GET4: variants seen among roughly 807,000 people sequenced by gnomAD.
The protein encoded by GET4 is guided entry of tail-anchored proteins factor 4, also known as Golgi to ER traffic protein 4 homolog.
Under a neutral mutation model 40.0 loss-of-function variants are expected in GET4, and 20 were observed. The observed-to-expected ratio is 0.50, with a 90% CI of 0.35 to 0.73. GET4 has a LOEUF of 0.73. Ranked by LOEUF, GET4 falls within the 30% of genes least tolerant of loss-of-function variation. GET4 has a pLI of 0.01. For missense variants in GET4, 557 were observed against 454.0 expected, an observed-to-expected ratio of 1.23 and a Z score of -2.06; for synonymous variants, 280 against 194.6, an observed-to-expected ratio of 1.44 and a Z score of -3.65.
chr7:894,509 G>C (rs1198888859), intron 8 of GET4, among the ~76,000 whole-genome samples: 1 of 152,180 alleles, frequency 6.6e-6, no homozygotes, highest in Non-Finnish European at 1.5e-5. Flanking sequence ...TGTCTGCCCT[G>C]GTGCAGCTGC....
At chr7:886,518 G>T in intron 2 of GET4, 51 bp from the exon 3 acceptor site, 2 of 1,379,398 alleles carry the variant, frequency 1.4e-6, no homozygotes, top group South Asian at 2.3e-5. Flanking sequence ...TTGCTGTCCT[G>T]AACAGGTCAG....
intron 1 of GET4, chr7:880,171 G>C (rs1211373015): frequency 6.6e-6 from 1 of 152,274 alleles, no homozygotes; most frequent in Non-Finnish European, 1.5e-5. Flanking sequence ...GAGAAACCCT[G>C]TCTCTACTAA....
Position 895,483 on chromosome 7 carries a change from G to A in GET4, c.*61G>A, listed in dbSNP as rs572132664. On this transcript the variant is annotated 3_prime_UTR_variant, in exon 9 of 9. Coordinates refer to ENST00000265857, the MANE Select transcript of GET4 (RefSeq NM_015949.3). ...ACGGCTGGAGGGACGTTTCAGAGGC[G>A]AGTCCTGGGTGGCTCCTCGCCTTGG... 56 of 888,718 alleles carry A rather than the reference G, an allele frequency of 6.3e-5. No individual in the cohort carries two copies. The highest frequency in any genetic ancestry group is 1.5e-4 in the African/African-American group (9 of 60,530). 55.1% of individuals were successfully genotyped at this position (888,718 alleles called of 1,614,324 possible).
At chr7:881,726 A>G (rs1286153401) in intron 1 of GET4, 2 of 152,210 alleles carry the variant, frequency 1.3e-5, no homozygotes, top group East Asian at 1.9e-4. Flanking sequence ...GGCTTGGTAT[A>G]TAGGTAAACT....
chr7:887,612 G>T, intron 4 of GET4, 93 bp downstream of exon 4: 1 of 1,002,562 alleles, frequency 1.0e-6, no homozygotes. Context: ...ACCCACCAGG[G>T]CAGAGATGGG....
At chr7:886,265 G>A in intron 2 of GET4, 131 bp downstream of exon 2, 1 of 665,222 alleles carries the variant, frequency 1.5e-6, no homozygotes. Flanking sequence ...GCTGTGGGTG[G>A]CAGAGGGGCC....
At chr7:886,944 G>A (rs1844201468) in intron 3 of GET4, 1 of 529,418 alleles carries the variant, frequency 1.9e-6, no homozygotes, top group African/African-American at 1.9e-5. Flanking sequence ...AGCTGGCAAG[G>A]TGGGGCACCA....
At chr7:878,085 C>A (rs186039839) in intron 1 of GET4, 25 of 328,802 alleles carry the variant, frequency 7.6e-5, no homozygotes, top group Middle Eastern at 2.2e-3. Flanking sequence ...CTGTTGACGC[C>A]GCCCGGCCTG....
intron 5 of GET4, 76 bp downstream of exon 5, chr7:891,142 TC>T: frequency 8.3e-7 from 1 of 1,210,730 alleles, no homozygotes; most frequent in Non-Finnish European, 1.2e-6. Flanking sequence ...GGTCCCCTTG[TC>T]CCCTGTCCGA....
Position 890,443 on chromosome 7 carries a change from G to A in GET4, c.467-485G>A, listed in dbSNP as rs547728462. On this transcript the variant is annotated intron_variant, in intron 4 of 8. Transcript: ENST00000265857. ...GCCTGGGAGTGGAGGGAGTGTGAGC[G>A]GGTGTTAGGACGGGCTTGGGAGTGG... Among the ~76,000 whole-genome samples, 5 of 150,730 alleles carry A rather than the reference G, an allele frequency of 3.3e-5. No individual in the cohort carries two copies. In the South Asian group the frequency reaches 6.4e-4, roughly 19 times the overall value.
chr7:886,044 T>C lies in GET4; in HGVS notation c.156-12T>C. 1 of 1,564,510 alleles carries C rather than the reference T, an allele frequency of 6.4e-7. No individual in the cohort carries two copies. The highest frequency in any genetic ancestry group is 8.8e-7 in the Non-Finnish European group (1 of 1,136,248). ...CACGTGGGCGTGGCTCACGGTCTCC[T>C]CTCTGTGGCAGGTACATGTCCCAGA... On this transcript the variant is annotated splice_polypyrimidine_tract_variant and intron_variant, in intron 1 of 8. Coordinates refer to ENST00000265857, the MANE Select transcript of GET4 (RefSeq NM_015949.3).
chr7:895,316 C>A lies in GET4; in HGVS notation c.896-18C>A, dbSNP rs372279230. The A allele has an allele frequency of 2.9e-6, 4 of 1,371,322 alleles. No individual in the cohort carries two copies. The highest frequency in any genetic ancestry group is 3.5e-5 in the Admixed American group (2 of 56,630). The allele number at this position is 1,371,322 out of a possible 1,614,324, so 84.9% of individuals were successfully genotyped here. A position where few individuals can be genotyped will look rare whatever the true frequency, so the allele number is the denominator to read the frequency against. Reference sequence around the variant, plus strand: ...GGAGGCTGCCCAGGCGTGACTGCCACGGTGTTCTTCTTTCCAGGGAACCTT... The same window carrying A: ...GGAGGCTGCCCAGGCGTGACTGCCAAGGTGTTCTTCTTTCCAGGGAACCTT... On this transcript the variant is annotated intron_variant, in intron 8 of 8. Transcript: ENST00000265857.
Position 893,986 on chromosome 7 carries a change from C to A in GET4, c.895+15C>A, listed in dbSNP as rs1326499908. 2.6e-6 allele frequency: 4 copies of A among 1,552,510 alleles called. No individual in the cohort carries two copies. Among genetic ancestry groups the A allele is most frequent in the African/African-American group, 2.7e-5 (2 of 73,882 alleles). On this transcript the variant is annotated intron_variant, in intron 8 of 8. Coordinates refer to ENST00000265857, the MANE Select transcript of GET4 (RefSeq NM_015949.3). Reference sequence around the variant, plus strand: ...GGGCCTGCTCGGTAAGCCGGGGCGCCCTTGTCACACCCACTCCAGCCCTGG... The same window carrying A: ...GGGCCTGCTCGGTAAGCCGGGGCGCACTTGTCACACCCACTCCAGCCCTGG...
At position 895,589 on chromosome 7, in the gene GET4, G is replaced by A; in HGVS notation, c.*167G>A. On this transcript the variant is annotated 3_prime_UTR_variant, in exon 9 of 9. Coordinates refer to ENST00000265857, the MANE Select transcript of GET4 (RefSeq NM_015949.3). ...TGCGGCGGCTCAGGGTGGCGCGGCT[G>A]CTGCTCACTGTGCTGCTGGGACCCA... is the stretch of plus-strand genomic sequence containing the variant. 2.0e-6 allele frequency: 1 copy of A among 492,906 alleles called. No individual in the cohort carries two copies. Among genetic ancestry groups the A allele is most frequent in the Non-Finnish European group, 3.6e-6 (1 of 274,146 alleles). 30.5% of individuals were successfully genotyped at this position (492,906 alleles called of 1,614,324 possible). A position where few individuals can be genotyped will look rare whatever the true frequency, so the allele number is the denominator to read the frequency against.
intron 1 of GET4, chr7:883,017 T>C (rs1585491032): frequency 2.0e-5 from 3 of 152,376 alleles, no homozygotes; most frequent in African/African-American, 4.8e-5. Flanking sequence ...CTTTTGTCTC[T>C]TCAGTCATCT....
In GET4 at chr7:893,943, G is replaced by T; in HGVS notation, c.867G>T (p.Lys289Asn). 6.2e-7 allele frequency: 1 copy of T among 1,606,874 alleles called. No individual in the cohort carries two copies. Among genetic ancestry groups the T allele is most frequent in the African/African-American group, 1.3e-5 (1 of 74,944 alleles). The change falls in exon 8 of 9, where the codon AAG becomes AAT. Residue 289 changes from lysine (K) to asparagine (N), a missense_variant. Coordinates refer to ENST00000265857, the MANE Select transcript of GET4 (RefSeq NM_015949.3). ...AGCTGTTCTTCGGCGTCCCGCCCAA[G>T]CAGACGTCTTCCTACGGGGGCCTGC... ...IGQLFFGVPP[K>N]QTSSYGGLLG...
chr7:892,418 G>A lies in GET4; in HGVS notation c.746G>A (p.Gly249Asp), dbSNP rs995406169. The A allele has an allele frequency of 8.2e-6, 13 of 1,585,932 alleles. No homozygotes were observed. The highest frequency in any genetic ancestry group is 1.1e-5 in the Non-Finnish European group (13 of 1,157,738). ...TGGTTCCTGCTGCTGGCTGTGGACG[G>A]GTGCGTCTTGGGATCCTGCAGGGGG... Reference protein sequence around the residue: ...FIWFLLLAVDGGKLTVFTVLC... With the variant: ...FIWFLLLAVDDGKLTVFTVLC... Residue 249 changes from glycine to aspartate, a missense_variant and splice_region_variant, in exon 6 of 9, where the codon GGT (glycine) becomes GAT (aspartate). By Grantham distance (94) the Gly-to-Asp change is moderately conservative. Coordinates refer to ENST00000265857, the MANE Select transcript of GET4 (RefSeq NM_015949.3).
At chr7:893,035 G>GGTGGT in intron 6 of GET4, among the ~76,000 whole-genome samples, 1 of 148,962 alleles carries the variant, frequency 6.7e-6, no homozygotes, top group African/African-American at 2.5e-5. Flanking sequence ...GTAGGCGTGT[G>GGTGGT]TGCAGGTGAG....
intron 5 of GET4, among the ~76,000 whole-genome samples, chr7:891,676 G>C (rs1293934111): frequency 6.6e-6 from 1 of 152,244 alleles, no homozygotes; most frequent in Non-Finnish European, 1.5e-5. Flanking sequence ...ATTTCAAGGC[G>C]GGCGTTGGGG....
Sources: gnomAD v4.1 joint callset for allele counts (sites outside exome capture counted in the v4.1 genomes callset) on GRCh38, gnomAD v4.1.1 for gene constraint, MANE v1.5 for transcripts, NCBI Gene and HGNC (gene_info 2026-07-23, HGNC 2026-07-21) for gene names.